SLF2: variants seen among roughly 807,000 people sequenced by gnomAD.
The protein encoded by SLF2 is SMC5/6 complex localization factor 2, also known as SMC5-SMC6 complex localization factor protein 2.
In SLF2, 68 loss-of-function variants were observed where a neutral mutation model predicts 124.3. The observed-to-expected ratio is 0.55, with a 90% CI of 0.45 to 0.67. The LOEUF is 0.67. SLF2 is among the 30% of genes least tolerant of loss of function. The pLI is 0.00. For missense variants in SLF2, 1,246 were observed against 1,373.7 expected (o/e 0.91, Z 1.47); for synonymous variants, 480 against 478.8 (o/e 1.00, Z -0.03).
chr10:100,955,080 C>T (rs1850303141), intron 17 of SLF2, among the ~76,000 whole-genome samples: 1 of 151,768 alleles, frequency 6.6e-6, no homozygotes, highest in Admixed American at 6.6e-5. Context: ...GCTGGGACTA[C>T]AGGTACCCGC....
intron 13 of SLF2, among the ~76,000 whole-genome samples, chr10:100,946,721 C>T (rs1390620044): frequency 6.6e-6 from 1 of 152,158 alleles, no homozygotes; most frequent in African/African-American, 2.4e-5. Context: ...CTCTCATACA[C>T]ATTTGTATTT....
At chr10:100,930,915 G>A (rs1849720181) in intron 8 of SLF2, 61 bp from the exon 9 acceptor site, 2 of 1,235,166 alleles carry the variant, frequency 1.6e-6, no homozygotes, top group Non-Finnish European at 2.4e-6. Context: ...TGTTGGTGGT[G>A]ATAGTAGAAG....
rs145182528 is a variant in SLF2 at position 100,944,090 on chromosome 10, T to G, written c.2719T>G (p.Ser907Ala). ...AGATTCATCTTATAAGCCAATTTTT[T>G]CAACACTTCCTGAAACCAACATTTT... Reference protein sequence around the residue: ...SEDSSYKPIFSTLPETNILNV... With the variant: ...SEDSSYKPIFATLPETNILNV... The change falls in exon 12 of 20, where the codon TCA becomes GCA. Residue 907 changes from serine to alanine, a missense_variant. Around this residue, in one of 3 missense-constraint regions of SLF2, gnomAD observed 535 missense variants for 632.8 expected, o/e 0.85. Transcript: ENST00000238961. 16 of 1,612,936 alleles carry G rather than the reference T, an allele frequency of 9.9e-6. No individual in the cohort carries two copies. The African/African-American group carries it at 2.0e-4, about 20-fold the overall frequency.
chr10:100,949,434 G>A (rs550264214), intron 15 of SLF2, among the ~76,000 whole-genome samples: 2 of 152,198 alleles, frequency 1.3e-5, no homozygotes, highest in East Asian at 3.9e-4. Flanking sequence ...ACAACTTCTT[G>A]TAGTTCTTCT....
At chr10:100,926,193 T>C in intron 6 of SLF2, 174 bp downstream of exon 6, 1 of 1,549,964 alleles carries the variant, frequency 6.5e-7, no homozygotes, top group Non-Finnish European at 8.7e-7. Flanking sequence ...ATGCCTGTAA[T>C]CACAACACTT....
Position 100,965,036 on chromosome 10 carries a change from TC to T in SLF2, c.*3126del, listed in dbSNP as rs1213637614. On this transcript the variant is annotated 3_prime_UTR_variant, in exon 20 of 20. Coordinates refer to ENST00000238961, the MANE Select transcript of SLF2 (RefSeq NM_018121.4). This position sits in a 1 kb window ranked among gnomAD's most constrained non-coding sequence, Gnocchi z 4.1. ...GGAAGTAAATACAGATTTTTTTCTT[TC>T]CTTTTTTTTTTTTTTAAAGATTTTA... 6.6e-6 allele frequency: 1 copy of T among 151,960 alleles called. No homozygotes were observed. Among genetic ancestry groups the T allele is most frequent in the Non-Finnish European group, 1.5e-5 (1 of 67,892 alleles). 9.4% of individuals were successfully genotyped at this position (151,960 alleles called of 1,614,324 possible).
chr10:100,918,669 T>C (rs1384292162), intron 4 of SLF2, among the ~76,000 whole-genome samples: 1 of 152,212 alleles, frequency 6.6e-6, no homozygotes, highest in Non-Finnish European at 1.5e-5. Context: ...TCACCCAGGC[T>C]GGGATGCAGT....
At chr10:100,947,703 C>A in intron 14 of SLF2, 57 bp from the exon 15 acceptor site, 1 of 1,248,080 alleles carries the variant, frequency 8.0e-7, no homozygotes, top group Non-Finnish European at 1.2e-6. Context: ...CATTCATTTG[C>A]TTTTCAAGCA....
Position 100,913,687 on chromosome 10 carries a change from T to TA in SLF2, c.140+438dup, listed in dbSNP as rs1286831253. The TA allele has an allele frequency of 3.2e-5, 32 of 1,001,774 alleles. 1 individual carries two copies. The highest frequency in any genetic ancestry group is 9.9e-4 in the Middle Eastern group (2 of 2,020). 62.1% of individuals were successfully genotyped at this position (1,001,774 alleles called of 1,614,324 possible). The stretch of plus-strand genomic sequence containing the variant: ...TGATGAGGGAATCCCTTCCACGAAT[T>TA]ACTTTGTAGTCCAGCGTGCACGCTA... On this transcript the variant is annotated intron_variant, in intron 1 of 19. Transcript: ENST00000238961.
chr10:100,938,024 G>T (rs113287930), intron 10 of SLF2, among the ~76,000 whole-genome samples: 1 of 152,170 alleles, frequency 6.6e-6, no homozygotes, highest in Non-Finnish European at 1.5e-5. Flanking sequence ...CTCACTTACT[G>T]TTTACCAAAT....
chr10:100,935,056 T>G (rs895318337), intron 9 of SLF2, among the ~76,000 whole-genome samples: 3 of 152,140 alleles, frequency 2.0e-5, no homozygotes, highest in Non-Finnish European at 4.4e-5. Context: ...TTTAAAAAAA[T>G]TTTTTTTAAA....
chr10:100,940,184 C>G (rs1589957475), intron 11 of SLF2, among the ~76,000 whole-genome samples: 1 of 151,964 alleles, frequency 6.6e-6, no homozygotes, highest in East Asian at 1.9e-4. Context: ...TTGAATTTTT[C>G]TTACTTTAGT....
intron 17 of SLF2, among the ~76,000 whole-genome samples, chr10:100,953,887 A>C (rs985264034): frequency 2.0e-5 from 3 of 151,752 alleles, no homozygotes; most frequent in East Asian, 2.0e-4. Context: ...CCTGACCTCA[A>C]GTGATCCACC....
At chr10:100,931,760 G>A (rs1213947895) in intron 9 of SLF2, among the ~76,000 whole-genome samples, 3 of 151,960 alleles carry the variant, frequency 2.0e-5, no homozygotes, top group Non-Finnish European at 4.4e-5. Flanking sequence ...TTGGGAGGCC[G>A]AGGCAGGTGG....
chr10:100,950,012 A>AG (rs1850179464), intron 15 of SLF2, 64 bp from the exon 16 acceptor site: 1 of 1,438,126 alleles, frequency 7.0e-7, no homozygotes, highest in Non-Finnish European at 9.2e-7. Context: ...CTGGAAAAAA[A>AG]TAGCCTAAGA....
At chr10:100,928,751 A>C (rs1849666949) in intron 6 of SLF2, among the ~76,000 whole-genome samples, 1 of 152,170 alleles carries the variant, frequency 6.6e-6, no homozygotes, top group Non-Finnish European at 1.5e-5. Flanking sequence ...ATGCGTTATA[A>C]ACTACTACAT....
rs1187278168 is a variant in SLF2 at position 100,913,155 on chromosome 10, C to A, written c.45C>A (p.Ser15=). 6.2e-7 allele frequency: 1 copy of A among 1,612,800 alleles called. No homozygotes were observed. The highest frequency in any genetic ancestry group is 8.5e-7 in the Non-Finnish European group (1 of 1,179,532). ...CCGCTAGGCCAGGTTTCCCCTCATC[C>A]CCAGCCCCGGGGTCGTCGCCCCCGC... ...CMPARPGFPS[S]PAPGSSPPRC... is the part of the protein sequence containing the mutation. The change falls in exon 1 of 20, where the codon TCC becomes TCA. Residue 15 remains serine (S), a synonymous_variant. Coordinates refer to ENST00000238961, the MANE Select transcript of SLF2 (RefSeq NM_018121.4).
chr10:100,926,968 C>G (rs995692711), intron 6 of SLF2, among the ~76,000 whole-genome samples: 1 of 151,576 alleles, frequency 6.6e-6, no homozygotes, highest in African/African-American at 2.4e-5. Context: ...ATCAAAAGAT[C>G]CAGGTTTTTA....
intron 17 of SLF2, among the ~76,000 whole-genome samples, chr10:100,954,195 C>A (rs1472049005): frequency 2.6e-5 from 4 of 152,084 alleles, no homozygotes; most frequent in African/African-American, 4.8e-5. Context: ...GAGGTTGAGG[C>A]TGCCATGCAC....
Sources: gnomAD v4.1 joint callset for allele counts (sites outside exome capture counted in the v4.1 genomes callset) on GRCh38, gnomAD v4.1.1 for gene constraint, gnomAD v4.1.1 regional missense constraint, Gnocchi (gnomAD v3.1) non-coding constraint, MANE v1.5 for transcripts, NCBI Gene and HGNC (gene_info 2026-07-23, HGNC 2026-07-21) for gene names.